The following PDSS2 variants were observed in gnomAD, a reference collection of about 807,000 sequenced individuals.
PDSS2 encodes the protein all trans-polyprenyl-diphosphate synthase PDSS2.
Under a neutral mutation model 44.5 loss-of-function variants are expected in PDSS2, and 31 were observed. The observed-to-expected ratio is 0.70, with a 90% confidence interval of 0.52 to 0.94. The LOEUF is 0.94. Ranked by LOEUF, PDSS2 falls within the 40% of genes least tolerant of loss-of-function variation. The pLI, the probability that PDSS2 is intolerant of heterozygous loss-of-function variation, is 0.00. For synonymous variants in PDSS2, 157 were observed against 180.3 expected (o/e 0.87, Z 1.03); for missense variants, 452 against 482.2 (o/e 0.94, Z 0.59).
intron 1 of PDSS2, among the ~76,000 whole-genome samples, chr6:107,402,808 T>G (rs893159523): frequency 6.6e-6 from 1 of 151,946 alleles, no homozygotes; most frequent in African/African-American, 2.4e-5. Context: ...GAGAATAGCA[T>G]GAAGGTAACT....
At chr6:107,406,114 T>C (rs1780312704) in intron 1 of PDSS2, among the ~76,000 whole-genome samples, 4 of 152,310 alleles carry the variant, frequency 2.6e-5, no homozygotes, top group Admixed American at 2.6e-4. Context: ...CTTTATCAAT[T>C]TATCAGAATC....
At chr6:107,433,175 G>A (rs758270093) in intron 1 of PDSS2, among the ~76,000 whole-genome samples, 5 of 151,314 alleles carry the variant, frequency 3.3e-5, no homozygotes, top group Admixed American at 6.6e-5. Context: ...ACTCATATTC[G>A]TAAGTATTTT....
intron 1 of PDSS2, among the ~76,000 whole-genome samples, chr6:107,413,031 A>G (rs1415794311): frequency 6.6e-6 from 1 of 152,196 alleles, no homozygotes; most frequent in Non-Finnish European, 1.5e-5. Flanking sequence ...TGCACCAAAT[A>G]CCTTACTTTA....
intron 4 of PDSS2, among the ~76,000 whole-genome samples, chr6:107,240,449 A>G (rs1171717841): frequency 3.6e-5 from 5 of 138,250 alleles, no homozygotes; most frequent in African/African-American, 1.4e-4. Flanking sequence ...TCCAGGCTGG[A>G]GTGCAGTGGC....
intron 4 of PDSS2, among the ~76,000 whole-genome samples, chr6:107,231,668 A>T (rs193102787): frequency 6.6e-6 from 1 of 152,326 alleles, no homozygotes; most frequent in Non-Finnish European, 1.5e-5. Context: ...AGATCTATCC[A>T]CTGAGTTATT....
intron 7 of PDSS2, among the ~76,000 whole-genome samples, chr6:107,173,299 C>CGTG (rs1320792405): frequency 6.7e-6 from 1 of 149,556 alleles, no homozygotes; most frequent in Non-Finnish European, 1.5e-5. Flanking sequence ...ACAGGCCAGG[C>CGTG]GCGGTGGCTC....
At chr6:107,446,121 T>C (rs888961159) in intron 1 of PDSS2, among the ~76,000 whole-genome samples, 10 of 151,982 alleles carry the variant, frequency 6.6e-5, no homozygotes, top group African/African-American at 2.2e-4. Context: ...ATCGAGACCA[T>C]CTGGGCCAAC....
intron 2 of PDSS2, among the ~76,000 whole-genome samples, chr6:107,295,367 TA>T (rs1776479071): frequency 6.6e-6 from 1 of 152,170 alleles, no homozygotes; most frequent in Non-Finnish European, 1.5e-5. Context: ...ATGTTGAAAA[TA>T]AAAATGTAAT....
chr6:107,429,898 AAAAAT>A (rs1368864289), intron 1 of PDSS2, among the ~76,000 whole-genome samples: 1 of 42,940 alleles, frequency 2.3e-5, no homozygotes, highest in African/African-American at 9.3e-5. Context: ...AAAAAAAAAA[AAAAAT>A]ATATATATAT....
chr6:107,254,035 C>CT (rs72372732), intron 3 of PDSS2, among the ~76,000 whole-genome samples: 4,070 of 132,382 alleles, frequency 0.031, 187 homozygotes, highest in African/African-American at 0.091. Flanking sequence ...TTCTTTCTTT[C>CT]TTTTTTTTTT....
chr6:107,197,341 G>A (rs1440513149), intron 6 of PDSS2, among the ~76,000 whole-genome samples: 2 of 151,856 alleles, frequency 1.3e-5, no homozygotes, highest in African/African-American at 2.4e-5. Flanking sequence ...AATATGGTAC[G>A]TGCCTGTTGT....
chr6:107,174,538 A>T (rs1421080494), intron 7 of PDSS2, among the ~76,000 whole-genome samples: 1 of 152,186 alleles, frequency 6.6e-6, no homozygotes. Flanking sequence ...ATTCTAGCTG[A>T]TAGTGCTTAA....
At chr6:107,216,391 C>T (rs368431714) in intron 4 of PDSS2, among the ~76,000 whole-genome samples, 1 of 150,852 alleles carries the variant, frequency 6.6e-6, no homozygotes, top group African/African-American at 2.4e-5. Context: ...GAGGATCACT[C>T]GAACCAGGGA....
intron 1 of PDSS2, among the ~76,000 whole-genome samples, chr6:107,339,443 C>T (rs146806134): frequency 1.9e-3 from 283 of 152,230 alleles, no homozygotes; most frequent in Middle Eastern, 6.8e-3. Context: ...AGACTGGACG[C>T]CTTCTATACA....
intron 3 of PDSS2, among the ~76,000 whole-genome samples, chr6:107,261,398 T>G (rs944037969): frequency 1.3e-5 from 2 of 152,168 alleles, no homozygotes; most frequent in Non-Finnish European, 2.9e-5. Context: ...TTGCTCCTGC[T>G]TTCACCATGT....
chr6:107,252,061 C>T (rs925565320), intron 3 of PDSS2, among the ~76,000 whole-genome samples: 4 of 152,132 alleles, frequency 2.6e-5, no homozygotes, highest in Non-Finnish European at 1.5e-5. Context: ...GGCTGGCAGC[C>T]TCAGTGGAGA....
chr6:107,414,087 G>C (rs930939098), intron 1 of PDSS2, among the ~76,000 whole-genome samples: 4 of 152,222 alleles, frequency 2.6e-5, no homozygotes, highest in Non-Finnish European at 4.4e-5. Flanking sequence ...AAATACATTA[G>C]GTTTAGTGAT....
chr6:107,210,783 C>T (rs1379854822), intron 5 of PDSS2, among the ~76,000 whole-genome samples: 2 of 152,152 alleles, frequency 1.3e-5, no homozygotes, highest in East Asian at 3.9e-4. Flanking sequence ...ATGGGTGGAT[C>T]ACCTGAGGTC....
chr6:107,407,763 G>A (rs535747069), intron 1 of PDSS2, among the ~76,000 whole-genome samples: 63 of 152,150 alleles, frequency 4.1e-4, no homozygotes, highest in Non-Finnish European at 6.5e-4. Context: ...GCAGTGCCAC[G>A]GTCTTGGCTC....
Sources: gnomAD v4.1 joint callset for allele counts (sites outside exome capture counted in the v4.1 genomes callset) on GRCh38, gnomAD v4.1.1 for gene constraint, MANE v1.5 for transcripts, NCBI Gene and HGNC (gene_info 2026-07-23, HGNC 2026-07-21) for gene names.